Variants in FBXL13 observed in about 807,000 individuals in gnomAD.
FBXL13 encodes the protein F-box and leucine-rich repeat protein 13.
Under a neutral mutation model 83.6 loss-of-function variants are expected in FBXL13, and 67 were observed. The observed-to-expected ratio is 0.80, with a 90% confidence interval of 0.66 to 0.98. The LOEUF is 0.98. Among genes scored for constraint, FBXL13 ranks in the 50% least tolerant of loss-of-function variants. FBXL13 has a pLI of 0.00. For synonymous variants in FBXL13, 272 were observed against 299.5 expected (o/e 0.91, Z 0.95); for missense variants, 822 against 866.5 (o/e 0.95, Z 0.64).
At chr7:102,890,089 A>T (rs1386215652) in intron 11 of FBXL13, among the ~76,000 whole-genome samples, 1 of 152,176 alleles carries the variant, frequency 6.6e-6, no homozygotes, top group African/African-American at 2.4e-5. Context: ...ACATTAGAAT[A>T]TCCAAAAAGA....
intron 16 of FBXL13, among the ~76,000 whole-genome samples, chr7:102,873,193 GA>G (rs1429883104): frequency 1.3e-5 from 2 of 152,126 alleles, no homozygotes; most frequent in African/African-American, 2.4e-5. Context: ...TTCTACTTTT[GA>G]GGTGTGAATT....
At chr7:102,965,474 T>G (rs1825875186) in intron 7 of FBXL13, among the ~76,000 whole-genome samples, 1 of 152,136 alleles carries the variant, frequency 6.6e-6, no homozygotes, top group Non-Finnish European at 1.5e-5. Flanking sequence ...CAAAAATACA[T>G]GACAAAGCAC....
At chr7:102,869,297 A>G (rs947621853) in intron 16 of FBXL13, among the ~76,000 whole-genome samples, 2 of 152,126 alleles carry the variant, frequency 1.3e-5, no homozygotes, top group Non-Finnish European at 2.9e-5. Context: ...AGAAATATCT[A>G]TTCAGGTCTT....
chr7:103,010,511 C>A (rs1791488150), intron 6 of FBXL13, among the ~76,000 whole-genome samples: 1 of 152,126 alleles, frequency 6.6e-6, no homozygotes, highest in South Asian at 2.1e-4. Context: ...TGGGCCACAC[C>A]CACTAGAGCT....
chr7:102,919,873 G>C (rs924137729), intron 10 of FBXL13, among the ~76,000 whole-genome samples: 3 of 152,096 alleles, frequency 2.0e-5, no homozygotes, highest in Non-Finnish European at 4.4e-5. Context: ...AAAGGCTAAA[G>C]AATAAGTAAG....
At position 102,980,463 on chromosome 7, in the gene FBXL13, G is replaced by A. The variant is rs566942649; in HGVS notation, c.496-12346C>T. 4.6e-5 allele frequency among the ~76,000 whole-genome samples: 7 copies of A among 152,310 alleles called. No homozygotes were observed. The East Asian group carries it at 1.2e-3, about 25-fold the overall frequency. ...CCATATAGCAAAATGAAGTCAAAAT[G>A]AGATAAATGACCTAAATATAAGAGC... On this transcript the variant is annotated intron_variant, in intron 6 of 19. Transcript: ENST00000313221.
intron 17 of FBXL13, among the ~76,000 whole-genome samples, chr7:102,838,523 A>T (rs1366936423): frequency 1.3e-5 from 2 of 151,778 alleles, no homozygotes; most frequent in African/African-American, 4.8e-5. Context: ...TAGGGAAAAG[A>T]GAGATCAGAC....
intron 6 of FBXL13, among the ~76,000 whole-genome samples, chr7:103,003,286 T>G (rs1386367430): frequency 3.4e-5 from 4 of 118,002 alleles, no homozygotes; most frequent in Middle Eastern, 3.8e-3. Context: ...GGGTTTTTTT[T>G]TTTTTTTTTT....
intron 8 of FBXL13, 134 bp from the exon 10 acceptor site, chr7:102,932,067 T>C (rs963623767): frequency 2.7e-6 from 2 of 730,440 alleles, no homozygotes; most frequent in Admixed American, 6.3e-5. Context: ...GTTCTAAGTA[T>C]ATGGTTTCTT....
chr7:102,916,674 A>G (rs940875410), intron 10 of FBXL13, among the ~76,000 whole-genome samples: 1 of 152,188 alleles, frequency 6.6e-6, no homozygotes, highest in East Asian at 1.9e-4. Context: ...CTACATGAGT[A>G]AGATCTGATT....
At position 102,976,194 on chromosome 7, in the gene FBXL13, G is replaced by A. The variant is rs374688381; in HGVS notation, c.496-8077C>T. On this transcript the variant is annotated intron_variant, in intron 6 of 19. Transcript: ENST00000313221. The stretch of plus-strand genomic sequence containing the variant: ...AACAGACACCCCAGCAACTACCATC[G>A]CTTCATCTGAGCCAAGGGTAACCCT... 3.8e-5 allele frequency: 29 copies of A among 763,590 alleles called. 1 individual carries two copies. The highest frequency in any genetic ancestry group is 1.7e-4 in the African/African-American group (10 of 59,050). 47.3% of individuals were successfully genotyped at this position (763,590 alleles called of 1,614,324 possible). A position where few individuals can be genotyped will look rare whatever the true frequency, so the allele number is the denominator to read the frequency against.
At chr7:102,915,687 A>T (rs1013092290) in intron 10 of FBXL13, among the ~76,000 whole-genome samples, 3 of 152,132 alleles carry the variant, frequency 2.0e-5, no homozygotes, top group Non-Finnish European at 4.4e-5. Context: ...AATATATAAG[A>T]TTACAAAAAC....
In FBXL13 at chr7:102,922,016, C is replaced by T. The variant is rs1374270089; in HGVS notation, c.878+4258G>A. ...GACCAGCCTGGCTAACATGATGAAA[C>T]CTCGTCTCTATTAAAATTCAAAAAT... On this transcript the variant is annotated intron_variant, in intron 10 of 19. Transcript: ENST00000313221. 2.0e-5 allele frequency among the ~76,000 whole-genome samples: 3 copies of T among 151,898 alleles called. No individual in the cohort carries two copies. In the East Asian group the frequency reaches 5.8e-4, roughly 29 times the overall value.
chr7:103,028,748 G>T lies in FBXL13; in HGVS notation c.69C>A (p.Cys23Ter). ...TTGTACGAGCTATGTCTCTCCAAGTGCTGCAGGCAGAAGACATTTTTTAAA... is the reference window on the plus strand; with the variant it reads ...TTGTACGAGCTATGTCTCTCCAAGTTCTGCAGGCAGAAGACATTTTTTAAA... Residue 23 changes from cysteine to a stop codon, truncating the protein, a stop_gained and splice_region_variant, in exon 4 of 20, where the codon TGC becomes TGA. Coordinates refer to ENST00000313221, the Ensembl canonical transcript of FBXL13. LOFTEE classifies it high-confidence loss of function. 1 of 1,549,384 alleles carries T rather than the reference G, an allele frequency of 6.5e-7. No individual in the cohort carries two copies. The highest frequency in any genetic ancestry group is 2.0e-5 in the Admixed American group (1 of 49,458).
chr7:103,025,844 C>T (rs1793837357), intron 5 of FBXL13, among the ~76,000 whole-genome samples: 3 of 151,748 alleles, frequency 2.0e-5, no homozygotes, highest in Admixed American at 1.3e-4. Context: ...ACATGTGGAG[C>T]GCTTGACACA....
intron 16 of FBXL13, among the ~76,000 whole-genome samples, chr7:102,861,338 T>C (rs10236090): frequency 0.028 from 4,298 of 152,170 alleles, 213 homozygotes; most frequent in African/African-American, 0.098. Context: ...TTTTTAAGGG[T>C]CTAGGCCAGT....
At position 103,052,155 on chromosome 7, in the gene FBXL13, G is replaced by C. The variant is rs535323102; in HGVS notation, c.-1+3489C>G. 2.0e-5 allele frequency among the ~76,000 whole-genome samples: 3 copies of C among 152,238 alleles called. No homozygotes were observed. The East Asian group carries it at 5.8e-4, about 29-fold the overall frequency. ...TTATTCATAACCTTTGAAGTTTTTT[G>C]TTGAAACATTAAAAATCATTTTACT... On this transcript the variant is annotated intron_variant, in intron 2 of 19. Coordinates refer to ENST00000313221, the Ensembl canonical transcript of FBXL13.
chr7:102,848,555 C>A (rs1584605233), intron 17 of FBXL13, among the ~76,000 whole-genome samples: 1 of 1,826 alleles, frequency 5.5e-4, no homozygotes, highest in Non-Finnish European at 9.0e-4. Context: ...GACTCCGTCT[C>A]AAAAAAAAAA....
chr7:102,976,339 C>A (rs888338519), intron 6 of FBXL13: 2 of 615,474 alleles, frequency 3.2e-6, no homozygotes, highest in Non-Finnish European at 2.9e-6. Context: ...AATTGATGAA[C>A]AAGCCTCCAA....
Sources: allele counts gnomAD v4.1 joint callset (sites outside exome capture counted in the v4.1 genomes callset), GRCh38; gene constraint gnomAD v4.1.1; transcripts MANE v1.5; gene names NCBI Gene and HGNC (gene_info 2026-07-23, HGNC 2026-07-21).